Variants in FOXO1 observed in about 807,000 individuals in gnomAD.
FOXO1 encodes forkhead box O1.
Under a neutral mutation model 44.1 loss-of-function variants are expected in FOXO1, and 6 were observed. That is an observed-to-expected ratio of 0.14 (90% CI 0.07 to 0.27). The LOEUF is 0.27. FOXO1 is among the 10% of genes least tolerant of loss of function. FOXO1 has a pLI of 1.00. For missense variants in FOXO1, 737 were observed against 888.8 expected, an observed-to-expected ratio of 0.83 and a Z score of 2.17; for synonymous variants, 380 against 362.7, an observed-to-expected ratio of 1.05 and a Z score of -0.54.
At chr13:40,597,656 T>C (rs1480460730) in intron 1 of FOXO1, among the ~76,000 whole-genome samples, 2 of 152,130 alleles carry the variant, frequency 1.3e-5, no homozygotes, top group African/African-American at 2.4e-5. Flanking sequence ...AACTTTCCCC[T>C]AAGTCTCTTC....
chr13:40,577,566 T>C (rs1204080861), intron 1 of FOXO1, among the ~76,000 whole-genome samples: 1 of 152,194 alleles, frequency 6.6e-6, no homozygotes, highest in African/African-American at 2.4e-5. Flanking sequence ...AGCTAACAGA[T>C]ACCTGCAGAC....
chr13:40,605,313 A>G lies in FOXO1; in HGVS notation c.631-44453T>C, dbSNP rs541055146. Among the ~76,000 whole-genome samples the G allele has an allele frequency of 9.2e-5, 14 of 152,290 alleles. No individual in the cohort carries two copies. The South Asian group carries it at 1.5e-3, about 16-fold the overall frequency. On this transcript the variant is annotated intron_variant, in intron 1 of 2. Coordinates refer to ENST00000379561, the MANE Select transcript of FOXO1 (RefSeq NM_002015.4). The stretch of plus-strand genomic sequence containing the variant: ...TTTCCTGATCAAGGAAAATTCCAGG[A>G]TATTTTGAGAGAATTCCAGAGTACC...
chr13:40,611,693 G>A lies in FOXO1; in HGVS notation c.631-50833C>T, dbSNP rs375334728. ...CACGGAAGCTGTGTTTGGGAGAGAG[G>A]ACGGTGCTCAGCACTCTCTCACGAG... On this transcript the variant is annotated intron_variant, in intron 1 of 2. Transcript: ENST00000379561. Among the ~76,000 whole-genome samples the A allele has an allele frequency of 1.3e-5, 2 of 152,136 alleles. 1 individual carries two copies. Among genetic ancestry groups the A allele is most frequent in the Non-Finnish European group, 2.9e-5 (2 of 68,024 alleles).
chr13:40,599,928 A>C (rs1257242757), intron 1 of FOXO1, among the ~76,000 whole-genome samples: 1 of 152,236 alleles, frequency 6.6e-6, no homozygotes, highest in Non-Finnish European at 1.5e-5. Flanking sequence ...TGGAGGCAGC[A>C]AGCCGATGAA....
At chr13:40,640,222 T>C (rs1250634829) in intron 1 of FOXO1, among the ~76,000 whole-genome samples, 1 of 152,132 alleles carries the variant, frequency 6.6e-6, no homozygotes, top group Non-Finnish European at 1.5e-5. Flanking sequence ...AAGCATCATA[T>C]GTAAAGGGAA....
chr13:40,581,550 C>CA (rs1874957223), intron 1 of FOXO1, among the ~76,000 whole-genome samples: 2 of 152,320 alleles, frequency 1.3e-5, no homozygotes, highest in South Asian at 4.1e-4. Flanking sequence ...AATTAATCCT[C>CA]ATTAAGCTGT....
Position 40,559,521 on chromosome 13 carries a change from C to T in FOXO1, c.*2G>A. On this transcript the variant is annotated 3_prime_UTR_variant, in exon 2 of 3. Coordinates refer to ENST00000379561, the MANE Select transcript of FOXO1 (RefSeq NM_002015.4). Reference sequence around the variant, plus strand: ...GGGGTGAACTTACCTGCTCACTAACCCTCAGCCTGACACCCAGCTATGTGT... The same window carrying T: ...GGGGTGAACTTACCTGCTCACTAACTCTCAGCCTGACACCCAGCTATGTGT... 8 of 1,584,386 alleles carry T rather than the reference C, an allele frequency of 5.0e-6. No individual in the cohort carries two copies. Among genetic ancestry groups the T allele is most frequent in the Non-Finnish European group, 6.9e-6 (8 of 1,163,232 alleles).
rs1056379440 is a variant in FOXO1, at chr13:40,558,300, A to G, written c.*749T>C. On this transcript the variant is annotated 3_prime_UTR_variant, in exon 3 of 3. Coordinates refer to ENST00000379561, the MANE Select transcript of FOXO1 (RefSeq NM_002015.4). ...TTCTTAAGTCCCAACAATAACATCA[A>G]AAATCATTTATCTGGAAATTAGAAC... 6 of 152,682 alleles carry G rather than the reference A, an allele frequency of 3.9e-5. No homozygotes were observed. The highest frequency in any genetic ancestry group is 1.4e-4 in the African/African-American group (6 of 41,462). The allele number at this position is 152,682 out of a possible 1,614,324, so 9.5% of individuals were successfully genotyped here. A position where few individuals can be genotyped will look rare whatever the true frequency, so the allele number is the denominator to read the frequency against.
chr13:40,596,813 A>G (rs1276940575), intron 1 of FOXO1, among the ~76,000 whole-genome samples: 1 of 152,196 alleles, frequency 6.6e-6, no homozygotes, highest in Non-Finnish European at 1.5e-5. Flanking sequence ...TAAGCACTGT[A>G]GTATACTGAA....
At chr13:40,636,517 C>CTTTTTTT (rs376651061) in intron 1 of FOXO1, among the ~76,000 whole-genome samples, 2 of 121,976 alleles carry the variant, frequency 1.6e-5, no homozygotes, top group Non-Finnish European at 1.7e-5. Context: ...TTTTCAAAAA[C>CTTTTTTT]TTTTTTTTTT....
chr13:40,592,620 T>C (rs912088802), intron 1 of FOXO1, among the ~76,000 whole-genome samples: 5 of 152,362 alleles, frequency 3.3e-5, no homozygotes, highest in Non-Finnish European at 5.9e-5. Context: ...TTGTCTTGAA[T>C]GTAAGCTCCT....
At chr13:40,602,516 T>C (rs1416462329) in intron 1 of FOXO1, among the ~76,000 whole-genome samples, 1 of 152,148 alleles carries the variant, frequency 6.6e-6, no homozygotes, top group African/African-American at 2.4e-5. Flanking sequence ...ATAATCAATG[T>C]ACCCGAAAAA....
In FOXO1 at chr13:40,665,663, A is replaced by G; in HGVS notation, c.550T>C (p.Ser184Pro). Reference sequence around the variant, plus strand: ...TTGACCATCCACTCGTAGATCTGCGACAGCGTGAGCCGCTTCTCCGCCGAG... The same window carrying G: ...TTGACCATCCACTCGTAGATCTGCGGCAGCGTGAGCCGCTTCTCCGCCGAG... Reference protein sequence around the residue: ...ESSAEKRLTLSQIYEWMVKSV... With the variant: ...ESSAEKRLTLPQIYEWMVKSV... Residue 184 changes from serine (S) to proline (P), a missense_variant, in exon 1 of 3, where the codon TCG becomes CCG. By Grantham distance (74) the Ser-to-Pro change is moderately conservative (BLOSUM62 -1). Transcript: ENST00000379561. The G allele has an allele frequency of 6.5e-7, 1 of 1,538,112 alleles. No homozygotes were observed. Among genetic ancestry groups the G allele is most frequent in the South Asian group, 1.2e-5 (1 of 83,424 alleles).
At position 40,665,603 on chromosome 13, in the gene FOXO1, T is replaced by A; in HGVS notation, c.610A>T (p.Asn204Tyr). The change falls in exon 1 of 3, where the codon AAC becomes TAC. Residue 204 changes from asparagine (N) to tyrosine (Y), a missense_variant. By Grantham distance (143) the Asn-to-Tyr change is moderately radical. This residue lies in a region of FOXO1 where 49 missense variants were observed against 50.2 expected (regional missense o/e 0.98). Coordinates refer to ENST00000379561, the MANE Select transcript of FOXO1 (RefSeq NM_002015.4). ...VPYFKDKGDS[N>Y]SSAGWKNSIR... ...CTCACCTTCCAGCCCGCCGAGCTGT[T>A]GCTGTCACCCTTATCCTTGAAGTAG... The A allele has an allele frequency of 7.0e-7, 1 of 1,438,436 alleles. No homozygotes were observed. Among genetic ancestry groups the A allele is most frequent in the Non-Finnish European group, 9.3e-7 (1 of 1,079,548 alleles). 89.1% of individuals were successfully genotyped at this position (1,438,436 alleles called of 1,614,324 possible). A position where few individuals can be genotyped will look rare whatever the true frequency, so the allele number is the denominator to read the frequency against.
At chr13:40,640,870 G>A (rs1877328306) in intron 1 of FOXO1, among the ~76,000 whole-genome samples, 1 of 151,980 alleles carries the variant, frequency 6.6e-6, no homozygotes, top group African/African-American at 2.4e-5. Flanking sequence ...TGCAACCTCT[G>A]CCTCCTGGGT....
intron 1 of FOXO1, among the ~76,000 whole-genome samples, chr13:40,583,475 A>G (rs1875032389): frequency 2.0e-5 from 3 of 152,208 alleles, no homozygotes; most frequent in Non-Finnish European, 4.4e-5. Context: ...CTTCATCTAC[A>G]TTGAAAATCT....
chr13:40,608,863 G>A (rs1193420764), intron 1 of FOXO1, among the ~76,000 whole-genome samples: 2 of 152,246 alleles, frequency 1.3e-5, no homozygotes, highest in African/African-American at 4.8e-5. Context: ...TCATGATCAT[G>A]GTTAATTTAT....
chr13:40,648,822 G>A (rs571494306), intron 1 of FOXO1, among the ~76,000 whole-genome samples: 7 of 152,284 alleles, frequency 4.6e-5, no homozygotes, highest in African/African-American at 1.7e-4. Context: ...CCTGATGAAA[G>A]ATAGAAGGGG....
chr13:40,666,282 G>C lies in FOXO1; in HGVS notation c.-70C>G, dbSNP rs1045034232. 3 of 1,262,628 alleles carry C rather than the reference G, an allele frequency of 2.4e-6. No individual in the cohort carries two copies. The highest frequency in any genetic ancestry group is 3.0e-6 in the Non-Finnish European group (3 of 987,674). The allele number at this position is 1,262,628 out of a possible 1,614,324, so 78.2% of individuals were successfully genotyped here. A position where few individuals can be genotyped will look rare whatever the true frequency, so the allele number is the denominator to read the frequency against. ...GAGAACGCAGCACTGGGGGCGGACG[G>C]GGAGGGGGCGCGAAGGGACGGTCCG... On this transcript the variant is annotated 5_prime_UTR_variant, in exon 1 of 3. Transcript: ENST00000379561.
Sources: gnomAD v4.1 joint callset for allele counts (sites outside exome capture counted in the v4.1 genomes callset) on GRCh38, gnomAD v4.1.1 for gene constraint, gnomAD v4.1.1 regional missense constraint, MANE v1.5 for transcripts, NCBI Gene and HGNC (gene_info 2026-07-23, HGNC 2026-07-21) for gene names.